The following HSF1 variants were observed in gnomAD, a reference collection of about 807,000 sequenced individuals.
HSF1 encodes heat shock factor protein 1.
A neutral mutation model predicts 51.7 loss-of-function variants in HSF1; 32 were observed. The observed-to-expected ratio is 0.62, with a 90% confidence interval of 0.47 to 0.83. HSF1 has a LOEUF of 0.83. Among genes scored for constraint, HSF1 ranks in the 40% least tolerant of loss-of-function variants. The pLI is 0.00. For synonymous variants in HSF1, 396 were observed against 309.7 expected (o/e 1.28, Z -2.92); for missense variants, 727 against 717.0 (o/e 1.01, Z -0.16).
intron 6 of HSF1, 59 bp from the exon 7 acceptor site, chr8:144,311,446 G>T (rs560389827): frequency 6.2e-7 from 1 of 1,612,638 alleles, no homozygotes; most frequent in South Asian, 1.1e-5. Context: ...TTCTCTGTCA[G>T]CTGTGCCCCG....
rs202242509 is a variant in HSF1 at position 144,309,535 on chromosome 8, T to A, written c.307T>A (p.Cys103Ser). ...ERDDTEFQHP[C>S]FLRGQEQLLE... ...AGACGACACGGAGTTCCAGCACCCA[T>A]GCTTCCTGCGTGGCCAGGAGCAGCT... Residue 103 changes from cysteine (C) to serine (S), a missense_variant, in exon 3 of 13, where the codon TGC becomes AGC. Cys to Ser is a moderately radical substitution (Grantham distance 112, BLOSUM62 -1). Transcript: ENST00000528838. 2.6e-4 allele frequency: 424 copies of A among 1,613,916 alleles called. 1 individual carries two copies. Among genetic ancestry groups the A allele is most frequent in the Non-Finnish European group, 2.7e-4 (323 of 1,180,008 alleles).
chr8:144,300,452 C>T (rs1416856093), intron 1 of HSF1, among the ~76,000 whole-genome samples: 10 of 152,140 alleles, frequency 6.6e-5, no homozygotes, highest in East Asian at 1.9e-4. Flanking sequence ...CTCCTGACCT[C>T]GTGATCCGCC....
At chr8:144,304,170 C>T (rs1335287218) in intron 1 of HSF1, among the ~76,000 whole-genome samples, 1 of 152,178 alleles carries the variant, frequency 6.6e-6, no homozygotes, top group African/African-American at 2.4e-5. Context: ...TCTTCCTGCT[C>T]CCCTCTCCCT....
chr8:144,309,928 C>G, intron 4 of HSF1, 32 bp downstream of exon 4: 1 of 1,517,624 alleles, frequency 6.6e-7, no homozygotes, highest in Non-Finnish European at 8.9e-7. Flanking sequence ...TGGGCCACAG[C>G]GGGTCCTGGC....
intron 9 of HSF1, chr8:144,312,848 G>A (rs936628121): frequency 2.9e-4 from 217 of 751,426 alleles, no homozygotes; most frequent in East Asian, 7.9e-4. Flanking sequence ...CCTCTGTGGC[G>A]GGGGCTCAGT....
rs782232271 is a variant in HSF1 at position 144,311,374 on chromosome 8, G to C, written c.618G>C (p.Lys206Asn). The change falls in exon 6 of 13, where the codon AAG (lysine) becomes AAC (asparagine). Residue 206 changes from lysine (K) to asparagine (N), a missense_variant. Around this residue, in one of 2 missense-constraint regions of HSF1, gnomAD observed 257 missense variants for 318.3 expected, o/e 0.81. Coordinates refer to ENST00000528838, the MANE Select transcript of HSF1 (RefSeq NM_005526.4). ...AGTCAAACCGGATCCTGGGGGTGAAGAGAAAGATGTGAGGTTTTGGGGATG... is the reference window on the plus strand; with the variant it reads ...AGTCAAACCGGATCCTGGGGGTGAACAGAAAGATGTGAGGTTTTGGGGATG... The part of the protein sequence containing the change: ...LVQSNRILGV[K>N]RKIPLMLNDS... The C allele has an allele frequency of 6.2e-7, 1 of 1,614,010 alleles. No individual in the cohort carries two copies.
chr8:144,311,538 T>G lies in HSF1; in HGVS notation c.660T>G (p.His220Gln), dbSNP rs1554844504. 6.2e-7 allele frequency: 1 copy of G among 1,613,662 alleles called. No homozygotes were observed. Among genetic ancestry groups the G allele is most frequent in the East Asian group, 2.2e-5 (1 of 44,870 alleles). Residue 220 changes from histidine (H) to glutamine (Q), a missense_variant, in exon 7 of 13, where the codon CAT becomes CAG. Physicochemically the swap from His to Gln is conservative, Grantham distance 24. Coordinates refer to ENST00000528838, the MANE Select transcript of HSF1 (RefSeq NM_005526.4). ...PLMLNDSGSA[H>Q]SMPKYSRQFS... ...TGCTGAACGACAGTGGCTCAGCACA[T>G]TCCATGCCCAAGTATAGCCGGCAGT... is the stretch of plus-strand genomic sequence containing the variant.
rs1816684187 is a variant in HSF1, at chr8:144,311,815, C to T, written c.839C>T (p.Pro280Leu). The stretch of plus-strand genomic sequence containing the variant: ...GCTCCTGCCAGCCCCATGGCCTCCC[C>T]CGGCGGGAGCATAGACGAGAGGTGG... ...ELAPASPMAS[P>L]GGSIDERPLS... Residue 280 changes from proline to leucine, a missense_variant, in exon 8 of 13, where the codon CCC (proline) becomes CTC (leucine). Pro to Leu is a moderately conservative substitution (Grantham distance 98). Coordinates refer to ENST00000528838, the MANE Select transcript of HSF1 (RefSeq NM_005526.4). 1 of 1,610,366 alleles carries T rather than the reference C, an allele frequency of 6.2e-7. No individual in the cohort carries two copies.
rs782435549 is a variant in HSF1, at chr8:144,312,027, C to G, written c.925C>G (p.Arg309Gly). The G allele has an allele frequency of 2.5e-6, 4 of 1,607,656 alleles. No homozygotes were observed. Among genetic ancestry groups the G allele is most frequent in the Non-Finnish European group, 2.5e-6 (3 of 1,176,812 alleles). Residue 309 changes from arginine to glycine, a missense_variant, in exon 9 of 13, where the codon CGG becomes GGG. By Grantham distance (125) the Arg-to-Gly change is moderately radical. Transcript: ENST00000528838. ...EEPPSPPQSP[R>G]VEEASPGRPS... ...GCCCCCCAGCCCGCCTCAGAGCCCC[C>G]GGGTAGAGGAGGCGAGTCCCGGGCG...
chr8:144,308,989 C>T lies in HSF1; in HGVS notation c.201C>T (p.Ala67=). The T allele has an allele frequency of 6.2e-7, 1 of 1,613,950 alleles. No homozygotes were observed. The highest frequency in any genetic ancestry group is 8.5e-7 in the Non-Finnish European group (1 of 1,179,804). Residue 67 remains alanine, a synonymous_variant, in exon 2 of 13, where the codon GCC becomes GCT. Transcript: ENST00000528838. The stretch of plus-strand genomic sequence containing the variant: ...AGTACTTCAAGCACAACAACATGGC[C>T]AGCTTCGTGCGGCAGCTCAACATGT... The part of the protein sequence containing the change: ...LPKYFKHNNM[A]SFVRQLNMYG...
chr8:144,299,778 G>A (rs951735978), intron 1 of HSF1, among the ~76,000 whole-genome samples: 7 of 152,116 alleles, frequency 4.6e-5, no homozygotes, highest in South Asian at 2.1e-4. Flanking sequence ...GCGTGGTGGC[G>A]GGCACCTGTA....
chr8:144,307,514 C>T (rs1460199742), intron 1 of HSF1, among the ~76,000 whole-genome samples: 1 of 152,172 alleles, frequency 6.6e-6, no homozygotes, highest in Non-Finnish European at 1.5e-5. Context: ...CCAAGGTGGG[C>T]GGATTGATTG....
chr8:144,307,142 C>A (rs1355848896), intron 1 of HSF1, among the ~76,000 whole-genome samples: 1 of 152,232 alleles, frequency 6.6e-6, no homozygotes, highest in African/African-American at 2.4e-5. Flanking sequence ...CCTAGTGGCA[C>A]CTCCTTCTCC....
chr8:144,296,651 C>CA (rs1463284682), intron 1 of HSF1, among the ~76,000 whole-genome samples: 1 of 151,972 alleles, frequency 6.6e-6, no homozygotes, highest in Non-Finnish European at 1.5e-5. Context: ...TTAAAAAATA[C>CA]AAAAAACTAG....
intron 1 of HSF1, among the ~76,000 whole-genome samples, chr8:144,296,368 T>G (rs889729573): frequency 6.6e-6 from 1 of 152,188 alleles, no homozygotes; most frequent in Non-Finnish European, 1.5e-5. Context: ...GCAGGCCCAC[T>G]GGCCCCACCC....
At chr8:144,306,723 C>T (rs1816251144) in intron 1 of HSF1, among the ~76,000 whole-genome samples, 1 of 152,208 alleles carries the variant, frequency 6.6e-6, no homozygotes. Flanking sequence ...TCCCCCACCT[C>T]CCCAGGATTT....
rs146075122 is a variant in HSF1 at position 144,305,723 on chromosome 8, ATTTTTTTTTTTT to A, written c.118-3167_118-3156del. On this transcript the variant is annotated intron_variant, in intron 1 of 12. Coordinates refer to ENST00000528838, the MANE Select transcript of HSF1 (RefSeq NM_005526.4). ...GTCTGCTCTTAAGCCCCTCTGGTTA[ATTTTTTTTTTTT>A]TTTTTTTTTTTTTTTGAGACGGAGT... Among the ~76,000 whole-genome samples the A allele has an allele frequency of 1.8e-4, 14 of 78,520 alleles. No homozygotes were observed. The Admixed American group carries it at 2.4e-3, about 13-fold the overall frequency. 51.5% of individuals were successfully genotyped at this position (78,520 alleles called of 152,430 possible).
chr8:144,313,788 G>GCGCCGCCT (rs1554420020), intron 10 of HSF1, 58 bp from the exon 11 acceptor site: 45 of 2,674 alleles, frequency 0.017, 11 homozygotes, highest in African/African-American at 0.028. Context: ...CCGCCTCCCC[G>GCGCCGCCT]CCCCGCCTCC....
chr8:144,310,111 G>A, intron 4 of HSF1: 1 of 583,916 alleles, frequency 1.7e-6, no homozygotes, highest in East Asian at 2.9e-5. Context: ...GAAGGGGGTT[G>A]GGAGGGTCCC....
Sources: allele counts gnomAD v4.1 joint callset (sites outside exome capture counted in the v4.1 genomes callset), GRCh38; gene constraint gnomAD v4.1.1; regional missense constraint gnomAD v4.1.1; transcripts MANE v1.5; gene names NCBI Gene and HGNC (gene_info 2026-07-23, HGNC 2026-07-21).